The following TAF6 variants were observed in gnomAD, a reference collection of about 807,000 sequenced individuals.
TAF6 encodes the protein transcription initiation factor TFIID subunit 6.
Under a neutral mutation model 73.5 loss-of-function variants are expected in TAF6, and 50 were observed. The observed-to-expected ratio is 0.68, with a 90% CI of 0.54 to 0.86. TAF6 has a LOEUF of 0.86. Among genes scored for constraint, TAF6 ranks in the 40% least tolerant of loss-of-function variants. The pLI is 0.00. For synonymous variants in TAF6, 424 were observed against 376.7 expected, an observed-to-expected ratio of 1.13 and a Z score of -1.45; for missense variants, 768 against 899.5, an observed-to-expected ratio of 0.85 and a Z score of 1.87.
chr7:100,107,759 A>C, intron 14 of TAF6, 136 bp from the exon 15 acceptor site: 1 of 1,422,392 alleles, frequency 7.0e-7, no homozygotes, highest in South Asian at 1.4e-5. Context: ...ATGGCTGGAG[A>C]CCTTGTTCAT....
At chr7:100,117,265 C>CT in intron 1 of TAF6, among the ~76,000 whole-genome samples, 1 of 131,034 alleles carries the variant, frequency 7.6e-6, no homozygotes, top group South Asian at 2.6e-4. Flanking sequence ...CTAGACAGGG[C>CT]TCTTTTTTTT....
chr7:100,125,048 C>T, the TAF6 span: 1 of 805,202 alleles, frequency 1.2e-6, no homozygotes, highest in East Asian at 2.7e-5. Context: ...CCTGGTGAAA[C>T]AGCATGACAT....
chr7:100,126,111 G>A, the TAF6 span, among the ~76,000 whole-genome samples: 16 of 152,158 alleles, frequency 1.1e-4, no homozygotes, highest in South Asian at 3.1e-3. Flanking sequence ...GCGGGAACCC[G>A]GGAGGCGGAG....
chr7:100,126,458 G>C, the TAF6 span, among the ~76,000 whole-genome samples: 2 of 151,866 alleles, frequency 1.3e-5, no homozygotes, highest in Non-Finnish European at 2.9e-5. Flanking sequence ...AGCTATGATG[G>C]TGCCCCTGCA....
upstream of TAF6, among the ~76,000 whole-genome samples, chr7:100,121,852 C>A (rs376940929): frequency 6.6e-6 from 1 of 151,440 alleles, no homozygotes; most frequent in Non-Finnish European, 1.5e-5. Context: ...TGATCGAGAC[C>A]ATCCTGGCTA....
intron 1 of TAF6, chr7:100,118,705 T>C (rs749834919): frequency 7.6e-5 from 20 of 263,050 alleles, no homozygotes; most frequent in Non-Finnish European, 1.1e-4. Flanking sequence ...AGTTGGACAT[T>C]AGGAAGATTA....
upstream of TAF6, chr7:100,123,031 G>C: frequency 9.2e-7 from 1 of 1,084,258 alleles, no homozygotes; most frequent in Non-Finnish European, 1.3e-6. Context: ...AGTGAGGACT[G>C]TGCCATTGAT....
At chr7:100,118,158 C>G (rs1004270511) in intron 1 of TAF6, among the ~76,000 whole-genome samples, 22 of 151,928 alleles carry the variant, frequency 1.4e-4, no homozygotes, top group African/African-American at 5.3e-4. Flanking sequence ...TCGAGACCAC[C>G]CTGGCCAACA....
chr7:100,114,305 CG>C (rs750852911), intron 1 of TAF6, 37 bp from the exon 2 acceptor site: 1 of 1,596,946 alleles, frequency 6.3e-7, no homozygotes, highest in Non-Finnish European at 8.5e-7. Context: ...GAAAAAGAAA[CG>C]TGAGACACAG....
In TAF6 at chr7:100,118,115, G is replaced by A. The variant is rs1797830924; in HGVS notation, c.-60+1089C>T. Among the ~76,000 whole-genome samples, 3 of 151,846 alleles carry A rather than the reference G, an allele frequency of 2.0e-5. No individual in the cohort carries two copies. In the South Asian group the frequency reaches 6.2e-4, roughly 32 times the overall value. On this transcript the variant is annotated intron_variant, in intron 1 of 14. Coordinates refer to ENST00000453269, the MANE Select transcript of TAF6 (RefSeq NM_139315.3). ...GTGGCTCACGCCTGTAATTTGGGAG[G>A]CCAAGGCGGGAAGATCACCTGAGGT... is the stretch of plus-strand genomic sequence containing the variant.
intron 10 of TAF6, chr7:100,110,488 G>GA: frequency 4.3e-6 from 2 of 467,742 alleles, no homozygotes; most frequent in African/African-American, 4.0e-5. Context: ...TCAACATGGT[G>GA]AAACTCTGTC....
intron 6 of TAF6, 77 bp downstream of exon 6, chr7:100,112,720 CA>C (rs376981143): frequency 3.4e-4 from 497 of 1,456,818 alleles, no homozygotes; most frequent in East Asian, 8.7e-4. Context: ...GTCTCAAAAA[CA>C]AAAAAAAAGG....
chr7:100,114,007 T>C (rs199565082), intron 2 of TAF6, 47 bp downstream of exon 2: 1 of 1,614,110 alleles, frequency 6.2e-7, no homozygotes, highest in East Asian at 2.2e-5. Flanking sequence ...GACGGGGCCC[T>C]GGGTGACATG....
chr7:100,112,796 A>G lies in TAF6; in HGVS notation c.574+2T>C. On this transcript the variant is annotated splice_donor_variant, in intron 6 of 14. Coordinates refer to ENST00000453269, the MANE Select transcript of TAF6 (RefSeq NM_139315.3). LOFTEE classifies it high-confidence loss of function. ...AGAGAGGCCTAGCCTAGGAGGACTGACCTTTGCCGTCGGCTGTGGTGGCCC... is the reference window on the plus strand; with the variant it reads ...AGAGAGGCCTAGCCTAGGAGGACTGGCCTTTGCCGTCGGCTGTGGTGGCCC... 1 of 1,611,710 alleles carries G rather than the reference A, an allele frequency of 6.2e-7. No individual in the cohort carries two copies. Among genetic ancestry groups the G allele is most frequent in the Non-Finnish European group, 8.5e-7 (1 of 1,178,606 alleles).
intron 1 of TAF6, among the ~76,000 whole-genome samples, chr7:100,114,712 GA>G (rs879733958): frequency 4.0e-3 from 526 of 131,800 alleles, no homozygotes; most frequent in Middle Eastern, 4.0e-3. Flanking sequence ...TCCGTCTCAG[GA>G]AAAAAAAAAA....
At chr7:100,121,981 C>T (rs181714133), upstream of TAF6, 402 of 315,058 alleles carry the variant, frequency 1.3e-3, 2 homozygotes, top group Middle Eastern at 7.5e-3. Flanking sequence ...ACCCAGGAGG[C>T]GGAGCTGGCA....
At position 100,107,174 on chromosome 7, in the gene TAF6, GCATGCATGTGTGTA is replaced by G. The variant is rs1796590782; in HGVS notation, c.*58_*71del. ...TCTACAACTTCCTTCCGCTTAGCGA[GCATGCATGTGTGTA>G]CGTGCACGTGTGTACATGTCTGCAT... On this transcript the variant is annotated 3_prime_UTR_variant, in exon 15 of 15. Coordinates refer to ENST00000453269, the MANE Select transcript of TAF6 (RefSeq NM_139315.3). 6.6e-7 allele frequency: 1 copy of G among 1,511,986 alleles called. No individual in the cohort carries two copies. Among genetic ancestry groups the G allele is most frequent in the South Asian group, 1.3e-5 (1 of 74,938 alleles). 93.7% of individuals were successfully genotyped at this position (1,511,986 alleles called of 1,614,324 possible). A position where few individuals can be genotyped will look rare whatever the true frequency, so the allele number is the denominator to read the frequency against.
intron 12 of TAF6, among the ~76,000 whole-genome samples, chr7:100,109,327 A>C (rs1252633393): frequency 6.6e-6 from 1 of 151,070 alleles, no homozygotes; most frequent in Non-Finnish European, 1.5e-5. Context: ...TCCATCTCAA[A>C]AAAAAAAAAA....
Position 100,111,975 on chromosome 7 carries a change from C to G in TAF6, c.745G>C (p.Asp249His), listed in dbSNP as rs775465965. 1.2e-6 allele frequency: 2 copies of G among 1,613,956 alleles called. No individual in the cohort carries two copies. The highest frequency in any genetic ancestry group is 8.5e-7 in the Non-Finnish European group (1 of 1,179,952). Reference protein sequence around the residue: ...RAEALQSIATDPGLYQMLPRF... With the variant: ...RAEALQSIATHPGLYQMLPRF... The stretch of plus-strand genomic sequence containing the variant: ...GGCAGCATCTGATACAGTCCAGGGT[C>G]CGTGGCAATGCTTTGCAGGGCTTCC... Residue 249 changes from aspartate to histidine, a missense_variant, in exon 8 of 15, where the codon GAC (aspartate) becomes CAC (histidine). Physicochemically the swap from Asp to His is moderately conservative, Grantham distance 81. Coordinates refer to ENST00000453269, the MANE Select transcript of TAF6 (RefSeq NM_139315.3).
Sources: gnomAD v4.1 joint callset for allele counts (sites outside exome capture counted in the v4.1 genomes callset) on GRCh38, gnomAD v4.1.1 for gene constraint, MANE v1.5 for transcripts, NCBI Gene and HGNC (gene_info 2026-07-23, HGNC 2026-07-21) for gene names.